SLC6A16: variants seen among roughly 807,000 people sequenced by gnomAD.
The protein encoded by SLC6A16 is solute carrier family 6 member 16.
In SLC6A16, 54 loss-of-function variants were observed where a neutral mutation model predicts 65.4. The observed-to-expected ratio is 0.83, with a 90% CI of 0.66 to 1.04. The LOEUF is 1.04. Among genes scored for constraint, SLC6A16 ranks in the 50% least tolerant of loss-of-function variants. The pLI is 0.00. For synonymous variants in SLC6A16, 330 were observed against 346.5 expected (o/e 0.95, Z 0.53); for missense variants, 816 against 914.0 (o/e 0.89, Z 1.38).
At chr19:49,337,671 C>T in the SLC6A16 span, 1 of 1,523,680 alleles carries the variant, frequency 6.6e-7, no homozygotes, top group African/African-American at 1.4e-5. Flanking sequence ...TAAACAGCTC[C>T]AAAGGGAAAC....
At chr19:49,339,654 G>T in the SLC6A16 span, 1 of 1,428,344 alleles carries the variant, frequency 7.0e-7, no homozygotes, top group Non-Finnish European at 9.1e-7. The surrounding 1 kb of genome is among the most constrained non-coding windows in gnomAD (Gnocchi z 4.5). Context: ...CCCTTTCTCC[G>T]CAGATGACTG....
chr19:49,322,368 C>T (rs59048087), intron 1 of SLC6A16, among the ~76,000 whole-genome samples: 3,392 of 152,090 alleles, frequency 0.022, 125 homozygotes, highest in African/African-American at 0.071. Context: ...TGGCTGGGCA[C>T]GGTGGCTCAA....
the SLC6A16 span, chr19:49,336,820 C>G: frequency 7.0e-7 from 1 of 1,423,580 alleles, no homozygotes; most frequent in East Asian, 2.3e-5. Flanking sequence ...CAAGATACTG[C>G]TCCCCACTTG....
At chr19:49,306,700 G>A (rs944097619) in intron 7 of SLC6A16, among the ~76,000 whole-genome samples, 1 of 151,748 alleles carries the variant, frequency 6.6e-6, no homozygotes, top group Non-Finnish European at 1.5e-5. Flanking sequence ...GTGCCACCAC[G>A]CCCGGCTAAT....
intron 9 of SLC6A16, 144 bp from the exon 10 acceptor site, chr19:49,293,526 G>A (rs2146069827): frequency 2.6e-6 from 2 of 755,452 alleles, no homozygotes; most frequent in Non-Finnish European, 4.2e-6. Flanking sequence ...GCATTTTGGG[G>A]AGCCTAAGTG....
chr19:49,340,115 T>G, the SLC6A16 span: 4 of 1,539,180 alleles, frequency 2.6e-6, no homozygotes, highest in South Asian at 1.2e-5. Flanking sequence ...CCCCGCCCTT[T>G]TCTACCTATC....
intron 7 of SLC6A16, among the ~76,000 whole-genome samples, chr19:49,304,467 C>T (rs1246625755): frequency 1.3e-5 from 2 of 152,000 alleles, no homozygotes; most frequent in Non-Finnish European, 2.9e-5. Flanking sequence ...CATTTTTTTC[C>T]TTTAAAAACC....
In SLC6A16 at chr19:49,325,087, A is replaced by C. The variant is rs1970777771; in HGVS notation, c.-104T>G. ...TTCTGCCAGGTTCTTCAGTCCAGCC[A>C]GTCGGACAAAAATGAGGGTGAAGAA... On this transcript the variant is annotated 5_prime_UTR_variant, in exon 1 of 12. Coordinates refer to ENST00000335875, the MANE Select transcript of SLC6A16 (RefSeq NM_014037.3). The C allele has an allele frequency of 2.0e-6, 2 of 985,636 alleles. No individual in the cohort carries two copies. The highest frequency in any genetic ancestry group is 2.4e-6 in the Non-Finnish European group (2 of 830,070). The allele number at this position is 985,636 out of a possible 1,614,324, so 61.1% of individuals were successfully genotyped here.
At chr19:49,332,531 C>T in the SLC6A16 span, among the ~76,000 whole-genome samples, 1 of 152,142 alleles carries the variant, frequency 6.6e-6, no homozygotes, top group Non-Finnish European at 1.5e-5. Context: ...GCACTCCAGC[C>T]TGGGTGACAG....
At position 49,290,597 on chromosome 19, in the gene SLC6A16, A is replaced by C; in HGVS notation, c.1941+8T>G. The C allele has an allele frequency of 6.2e-7, 1 of 1,613,724 alleles. No homozygotes were observed. Among genetic ancestry groups the C allele is most frequent in the Non-Finnish European group, 8.5e-7 (1 of 1,179,774 alleles). On this transcript the variant is annotated splice_region_variant and intron_variant, in intron 11 of 11. Transcript: ENST00000335875. ...CCAAAGGGGTTCTGGGTCCTGGGGG[A>C]GGCTCACGGTGCTTGAGTCCCAGGA...
At position 49,325,102 on chromosome 19, in the gene SLC6A16, AG is replaced by A. The variant is rs1279895534; in HGVS notation, c.-120del. The stretch of plus-strand genomic sequence containing the variant: ...CAGTCCAGCCAGTCGGACAAAAATG[AG>A]GGTGAAGAAGCCCCAGCTGAGAAGC... On this transcript the variant is annotated 5_prime_UTR_variant, in exon 1 of 12. Transcript: ENST00000335875. 1.0e-6 allele frequency: 1 copy of A among 985,468 alleles called. No individual in the cohort carries two copies. The highest frequency in any genetic ancestry group is 1.7e-5 in the African/African-American group (1 of 57,252). 61.0% of individuals were successfully genotyped at this position (985,468 alleles called of 1,614,324 possible).
chr19:49,304,038 A>G (rs1010392862), intron 7 of SLC6A16, among the ~76,000 whole-genome samples: 2 of 152,214 alleles, frequency 1.3e-5, no homozygotes, highest in Non-Finnish European at 1.5e-5. Context: ...CAAGTCACCC[A>G]TCATTCCCCT....
At chr19:49,337,923 A>G in the SLC6A16 span, 1 of 1,614,062 alleles carries the variant, frequency 6.2e-7, no homozygotes, top group African/African-American at 1.3e-5. Context: ...GTGGCCTCTC[A>G]GCTGGAGCGA....
chr19:49,337,870 A>C, the SLC6A16 span: 24 of 1,125,348 alleles, frequency 2.1e-5, no homozygotes, highest in East Asian at 6.5e-5. Context: ...ACAGCCTGAG[A>C]GGGGGAGGGG....
chr19:49,306,978 C>G (rs1970401632), intron 7 of SLC6A16, among the ~76,000 whole-genome samples: 1 of 148,566 alleles, frequency 6.7e-6, no homozygotes, highest in South Asian at 2.1e-4. Flanking sequence ...CAGAGAGCAT[C>G]TAGGGTTATT....
chr19:49,337,197 CCTCATCTCCACT>C, the SLC6A16 span: 1 of 1,614,194 alleles, frequency 6.2e-7, no homozygotes, highest in South Asian at 1.1e-5. Context: ...CCCTGGGAAT[CCTCATCTCCACT>C]CAGCGGGCCC....
At chr19:49,336,721 C>A in the SLC6A16 span, 1 of 583,350 alleles carries the variant, frequency 1.7e-6, no homozygotes, top group Middle Eastern at 4.0e-4. Flanking sequence ...GATCCAGGGA[C>A]GGGAAACAGG....
the SLC6A16 span, chr19:49,339,683 A>C: frequency 1.4e-6 from 2 of 1,422,152 alleles, no homozygotes; most frequent in South Asian, 3.1e-5. This position sits in a 1 kb window ranked among gnomAD's most constrained non-coding sequence, Gnocchi z 4.5. Context: ...CTGAGCGTAC[A>C]GCTACAGCGC....
chr19:49,339,951 A>T, the SLC6A16 span: 1 of 1,394,308 alleles, frequency 7.2e-7, no homozygotes, highest in Non-Finnish European at 9.3e-7. This position sits in a 1 kb window ranked among gnomAD's most constrained non-coding sequence, Gnocchi z 4.5. Context: ...TAGAGGAGGC[A>T]CAATTAGAGG....
Sources: gnomAD v4.1 joint callset for allele counts (sites outside exome capture counted in the v4.1 genomes callset) on GRCh38, gnomAD v4.1.1 for gene constraint, Gnocchi (gnomAD v3.1) non-coding constraint, MANE v1.5 for transcripts, NCBI Gene and HGNC (gene_info 2026-07-23, HGNC 2026-07-21) for gene names.